Variants in ENOX1 observed in about 807,000 individuals in gnomAD.
ENOX1 encodes the protein candidate growth-related and time keeping constitutive hydroquinone (NADH) oxidase.
A neutral mutation model predicts 82.5 loss-of-function variants in ENOX1; 42 were observed. The ratio of observed to expected loss-of-function variants is 0.51; its 90% confidence interval spans 0.40 to 0.66. The LOEUF is 0.66. Among genes scored for constraint, ENOX1 ranks in the 30% least tolerant of loss-of-function variants. ENOX1 has a pLI of 0.00. For missense variants in ENOX1, 608 were observed against 811.6 expected (o/e 0.75, Z 3.05); for synonymous variants, 271 against 282.2 (o/e 0.96, Z 0.40).
rs773208121 is a variant in ENOX1 at position 43,359,996 on chromosome 13, T to G, written c.444A>C (p.Gly148=). The change falls in exon 7 of 17, where the codon GGA becomes GGC. Residue 148 remains glycine (G), a synonymous_variant. Coordinates refer to ENST00000690772, the MANE Select transcript of ENOX1 (RefSeq NM_001347969.2). ...TTTCCTCAGTAGCATTTTCTGGTAA[T>G]CCTCCGACAAACACGGTCTTACACC... ...PPGCKTVFVG[G]LPENATEEII... The G allele has an allele frequency of 6.2e-7, 1 of 1,614,208 alleles. No individual in the cohort carries two copies. The highest frequency in any genetic ancestry group is 8.5e-7 in the Non-Finnish European group (1 of 1,180,028).
At chr13:43,588,014 C>T (rs75003582) in intron 2 of ENOX1, among the ~76,000 whole-genome samples, 1,979 of 152,106 alleles carry the variant, frequency 0.013, 34 homozygotes, top group African/African-American at 0.045. Context: ...AAGTTATCTG[C>T]CTTTCTAACA....
intron 2 of ENOX1, among the ~76,000 whole-genome samples, chr13:43,506,467 C>T (rs1191200908): frequency 7.0e-6 from 1 of 143,658 alleles, no homozygotes; most frequent in Non-Finnish European, 1.6e-5. Context: ...ACCATTTGAC[C>T]CAGCCATCCC....
At chr13:43,487,704 TGG>T (rs907650225) in intron 2 of ENOX1, among the ~76,000 whole-genome samples, 20 of 152,208 alleles carry the variant, frequency 1.3e-4, no homozygotes, top group Admixed American at 3.9e-4. Context: ...TGACCTTTCC[TGG>T]GTGTTGTTCA....
intron 5 of ENOX1, among the ~76,000 whole-genome samples, chr13:43,387,923 G>T (rs927413491): frequency 4.6e-5 from 7 of 152,092 alleles, no homozygotes; most frequent in Non-Finnish European, 8.8e-5. Flanking sequence ...GGTAAAATTG[G>T]ATATTAATGT....
At chr13:43,479,237 C>T (rs1296166864) in intron 3 of ENOX1, among the ~76,000 whole-genome samples, 1 of 152,212 alleles carries the variant, frequency 6.6e-6, no homozygotes, top group East Asian at 1.9e-4. Flanking sequence ...GTTCTTTGAG[C>T]TCCCCACAAA....
intron 2 of ENOX1, among the ~76,000 whole-genome samples, chr13:43,581,207 A>C (rs1341511805): frequency 1.6e-5 from 2 of 128,326 alleles, no homozygotes; most frequent in East Asian, 2.3e-4. Context: ...ATCTCGGCTC[A>C]CTGCAAGCTC....
At chr13:43,283,596 C>A (rs2045523749) in intron 12 of ENOX1, among the ~76,000 whole-genome samples, 2 of 151,870 alleles carry the variant, frequency 1.3e-5, no homozygotes, top group Non-Finnish European at 2.9e-5. Context: ...CAGGCACGTG[C>A]TACTATGCCT....
intron 14 of ENOX1, among the ~76,000 whole-genome samples, chr13:43,251,229 T>G (rs888830239): frequency 2.6e-5 from 4 of 152,366 alleles, no homozygotes; most frequent in African/African-American, 9.6e-5. Context: ...CAGTTTTAAC[T>G]GTCAGTCCAC....
intron 11 of ENOX1, among the ~76,000 whole-genome samples, chr13:43,310,398 A>G (rs2047134067): frequency 6.6e-6 from 1 of 151,972 alleles, no homozygotes; most frequent in African/African-American, 2.4e-5. Flanking sequence ...ACCCATATTC[A>G]ATGATTTTTT....
chr13:43,588,914 G>T (rs2081114262), intron 2 of ENOX1, among the ~76,000 whole-genome samples: 1 of 152,136 alleles, frequency 6.6e-6, no homozygotes, highest in Non-Finnish European at 1.5e-5. Flanking sequence ...ATATGCACTT[G>T]CCAGAGGTGG....
intron 2 of ENOX1, among the ~76,000 whole-genome samples, chr13:43,506,532 C>A (rs1314193993): frequency 7.3e-6 from 1 of 137,360 alleles, no homozygotes; most frequent in African/African-American, 2.6e-5. Flanking sequence ...AAGACACATG[C>A]ACACATATGT....
In ENOX1 at chr13:43,482,179, T is replaced by G. The variant is rs117734179; in HGVS notation, c.-75+1830A>C. 4.5e-4 allele frequency among the ~76,000 whole-genome samples: 68 copies of G among 152,330 alleles called. 2 individuals carry two copies. In the East Asian group the frequency reaches 8.3e-3, roughly 19 times the overall value. ...AACTGAAAACAGGATCTTGTAGAGATATTTACACACTCATGTTCACTGCAG... is the reference window on the plus strand; with the variant it reads ...AACTGAAAACAGGATCTTGTAGAGAGATTTACACACTCATGTTCACTGCAG... On this transcript the variant is annotated intron_variant, in intron 3 of 16. Coordinates refer to ENST00000690772, the MANE Select transcript of ENOX1 (RefSeq NM_001347969.2).
chr13:43,233,206 C>T (rs548703101), intron 15 of ENOX1, among the ~76,000 whole-genome samples: 1 of 152,222 alleles, frequency 6.6e-6, no homozygotes, highest in South Asian at 2.1e-4. Flanking sequence ...ACAGAATTCT[C>T]TAAGGTCCAA....
intron 8 of ENOX1, among the ~76,000 whole-genome samples, chr13:43,354,906 C>T (rs2050053791): frequency 6.6e-6 from 1 of 152,202 alleles, no homozygotes; most frequent in Non-Finnish European, 1.5e-5. Flanking sequence ...ATTATGCCTC[C>T]TCTATAAAGA....
At chr13:43,501,857 C>G (rs1285802467) in intron 2 of ENOX1, among the ~76,000 whole-genome samples, 1 of 146,066 alleles carries the variant, frequency 6.8e-6, no homozygotes, top group African/African-American at 2.5e-5. Context: ...AAGAACAAAC[C>G]AGGCCAAAAG....
rs545665167 is a variant in ENOX1, at chr13:43,222,247, G to C, written c.1800+1806C>G. Among the ~76,000 whole-genome samples, 222 of 152,146 alleles carry C rather than the reference G, an allele frequency of 1.5e-3. 1 individual carries two copies. The highest frequency in any genetic ancestry group is 5.2e-3 in the African/African-American group (216 of 41,524). On this transcript the variant is annotated intron_variant, in intron 16 of 16. Coordinates refer to ENST00000690772, the MANE Select transcript of ENOX1 (RefSeq NM_001347969.2). ...TCTCTCTCCTCAGAGACTGGTAAGG[G>C]AACGTCACAAATCTTACCTGAGCCC...
rs752742570 is a variant in ENOX1, at chr13:43,322,395, ACT to A, written c.1248_1249del (p.Arg416SerfsTer3). Reference sequence around the variant, plus strand: ...GTTATCGGCATTACCTGATTCATCGACTCTCATTTTCTTTGTAGGGCTGTCAC... The same window carrying A: ...GTTATCGGCATTACCTGATTCATCGACTCATTTTCTTTGTAGGGCTGTCAC... On this transcript the variant is annotated frameshift_variant, in exon 11 of 17. Transcript: ENST00000690772. LOFTEE classifies it high-confidence loss of function. 1.9e-6 allele frequency: 3 copies of A among 1,612,804 alleles called. No homozygotes were observed. The highest frequency in any genetic ancestry group is 2.5e-6 in the Non-Finnish European group (3 of 1,179,326).
chr13:43,491,283 G>T (rs532238115), intron 2 of ENOX1, among the ~76,000 whole-genome samples: 1 of 152,098 alleles, frequency 6.6e-6, no homozygotes, highest in Non-Finnish European at 1.5e-5. Context: ...GGATCCACCC[G>T]CATGATCCCA....
At chr13:43,348,347 C>G (rs2049534930) in intron 8 of ENOX1, among the ~76,000 whole-genome samples, 1 of 152,178 alleles carries the variant, frequency 6.6e-6, no homozygotes, top group Non-Finnish European at 1.5e-5. Flanking sequence ...AATAAAATTT[C>G]CAAAGACATA....
Sources: gnomAD v4.1 joint callset for allele counts (sites outside exome capture counted in the v4.1 genomes callset) on GRCh38, gnomAD v4.1.1 for gene constraint, MANE v1.5 for transcripts, NCBI Gene and HGNC (gene_info 2026-07-23, HGNC 2026-07-21) for gene names.